The following EIF3B variants were observed in gnomAD, a reference collection of about 807,000 sequenced individuals.
EIF3B encodes eukaryotic translation initiation factor 3 subunit 9.
Under a neutral mutation model 104.6 loss-of-function variants are expected in EIF3B, and 10 were observed. That is an observed-to-expected ratio of 0.10 (90% CI 0.06 to 0.16). The LOEUF (loss-of-function observed/expected upper bound fraction) is 0.16, where lower values mean the gene tolerates loss of function less well. Among genes scored for constraint, EIF3B ranks in the 10% least tolerant of loss-of-function variants. EIF3B has a pLI of 1.00. For missense variants in EIF3B, 1,014 were observed against 1,087.9 expected, an observed-to-expected ratio of 0.93 and a Z score of 0.96; for synonymous variants, 542 against 417.2, an observed-to-expected ratio of 1.30 and a Z score of -3.65.
intron 1 of EIF3B, among the ~76,000 whole-genome samples, chr7:2,355,774 G>A (rs1779389868): frequency 6.6e-6 from 1 of 152,118 alleles, no homozygotes; most frequent in Admixed American, 6.5e-5. Context: ...AAAAACCGAA[G>A]ACCCGGTGGC....
At chr7:2,367,824 A>ATTTTTTTTTTTTT (rs1562484073) in intron 9 of EIF3B, among the ~76,000 whole-genome samples, 13 of 101,750 alleles carry the variant, frequency 1.3e-4, no homozygotes, top group African/African-American at 3.3e-4. Context: ...CTTTTTTTAA[A>ATTTTTTTTTTTTT]ATTTTTTTTT....
chr7:2,357,648 A>G (rs1443346872), intron 1 of EIF3B, among the ~76,000 whole-genome samples: 5 of 151,626 alleles, frequency 3.3e-5, no homozygotes, highest in Non-Finnish European at 7.4e-5. Context: ...TTCTCTTTCT[A>G]TTTGCTATTT....
At chr7:2,359,149 G>A (rs1779609058) in intron 1 of EIF3B, among the ~76,000 whole-genome samples, 1 of 152,310 alleles carries the variant, frequency 6.6e-6, no homozygotes, top group South Asian at 2.1e-4. Context: ...TTTTCAAAAA[G>A]GCTCTTTGTG....
In EIF3B at chr7:2,355,426, G is replaced by A; in HGVS notation, c.499+6G>A. 1.4e-6 allele frequency: 2 copies of A among 1,435,752 alleles called. No homozygotes were observed. Among genetic ancestry groups the A allele is most frequent in the Non-Finnish European group, 1.8e-6 (2 of 1,093,592 alleles). 88.9% of individuals were successfully genotyped at this position (1,435,752 alleles called of 1,614,324 possible). ...GGACGACGTGAGCGAGGAAGGTGAG[G>A]GCGCCCGGGGCGGGGCTGGCGAGCG... On this transcript the variant is annotated splice_donor_region_variant and intron_variant, in intron 1 of 18. Coordinates refer to ENST00000360876, the MANE Select transcript of EIF3B (RefSeq NM_001037283.2).
At chr7:2,368,563 C>T (rs911542103) in intron 9 of EIF3B, among the ~76,000 whole-genome samples, 1 of 152,232 alleles carries the variant, frequency 6.6e-6, no homozygotes, top group African/African-American at 2.4e-5. Context: ...CCTTCCCGTG[C>T]CTAGAAATGA....
intron 15 of EIF3B, among the ~76,000 whole-genome samples, chr7:2,377,543 CAGG>C (rs1562492562): frequency 4.2e-4 from 52 of 125,238 alleles, no homozygotes; most frequent in Non-Finnish European, 7.1e-4. Context: ...GAGGAAGGAG[CAGG>C]CACGAGCGCT....
intron 6 of EIF3B, among the ~76,000 whole-genome samples, chr7:2,365,999 T>TTGTTAG (rs1305438836): frequency 6.6e-6 from 1 of 152,136 alleles, no homozygotes; most frequent in African/African-American, 2.4e-5. Flanking sequence ...TTTTTTTAAC[T>TTGTTAG]TGTTAGTCTT....
intron 6 of EIF3B, among the ~76,000 whole-genome samples, chr7:2,365,069 A>G (rs1346831468): frequency 6.6e-6 from 1 of 152,180 alleles, no homozygotes; most frequent in Admixed American, 6.5e-5. Context: ...CTCCCACCTC[A>G]GCCTTCCTGA....
At chr7:2,378,561 C>T (rs1266808431) in intron 15 of EIF3B, 128 bp from the exon 16 acceptor site, 7 of 740,328 alleles carry the variant, frequency 9.5e-6, no homozygotes, top group East Asian at 2.7e-5. Context: ...AAGGAGCATG[C>T]GAGCGCTCCT....
intron 17 of EIF3B, 56 bp downstream of exon 17, chr7:2,379,298 C>T: frequency 6.4e-7 from 1 of 1,565,960 alleles, no homozygotes; most frequent in African/African-American, 1.4e-5. Context: ...CCCCTGGGCC[C>T]TGGTGCCCGC....
Position 2,355,132 on chromosome 7 carries a change from G to A in EIF3B, c.211G>A (p.Ala71Thr). ...GGAGTCCGAGGTGAGGACCGAGCCG[G>A]CGGCCGAGGCAGAGGCGGCCTCCGG... Reference protein sequence around the residue: ...GPESEVRTEPAAEAEAASGPS... With the variant: ...GPESEVRTEPTAEAEAASGPS... The change falls in exon 1 of 19, where the codon GCG becomes ACG. Residue 71 changes from alanine to threonine, a missense_variant. Transcript: ENST00000360876. The A allele has an allele frequency of 1.4e-6, 2 of 1,405,990 alleles. No homozygotes were observed. The highest frequency in any genetic ancestry group is 1.8e-6 in the Non-Finnish European group (2 of 1,089,476). The allele number at this position is 1,405,990 out of a possible 1,614,324, so 87.1% of individuals were successfully genotyped here. A position where few individuals can be genotyped will look rare whatever the true frequency, so the allele number is the denominator to read the frequency against.
chr7:2,354,970 G>C lies in EIF3B; in HGVS notation c.49G>C (p.Ala17Pro), dbSNP rs940228309. ...VAVPEAAEERAEPGQQQPAAE... is the reference protein window; with the variant it reads ...VAVPEAAEERPEPGQQQPAAE... ...GGTGCCCGAGGCGGCCGAGGAGCGC[G>C]CCGAGCCCGGCCAGCAGCAGCCGGC... Residue 17 changes from alanine (A) to proline (P), a missense_variant, in exon 1 of 19, where the codon GCC (alanine) becomes CCC (proline). Around this residue, in one of 4 missense-constraint regions of EIF3B, gnomAD observed 488 missense variants for 404.3 expected, o/e 1.21. Coordinates refer to ENST00000360876, the MANE Select transcript of EIF3B (RefSeq NM_001037283.2). 2 of 1,184,054 alleles carry C rather than the reference G, an allele frequency of 1.7e-6. No homozygotes were observed. Among genetic ancestry groups the C allele is most frequent in the Non-Finnish European group, 2.1e-6 (2 of 958,008 alleles). 73.3% of individuals were successfully genotyped at this position (1,184,054 alleles called of 1,614,324 possible). A position where few individuals can be genotyped will look rare whatever the true frequency, so the allele number is the denominator to read the frequency against.
At chr7:2,370,886 AC>A (rs1293146633) in intron 10 of EIF3B, among the ~76,000 whole-genome samples, 1 of 151,904 alleles carries the variant, frequency 6.6e-6, no homozygotes, top group Non-Finnish European at 1.5e-5. Context: ...TTTAGTAGAA[AC>A]CCCGTCTCTA....
chr7:2,367,101 CCAA>C, intron 9 of EIF3B, 56 bp downstream of exon 9: 4 of 864,398 alleles, frequency 4.6e-6, no homozygotes, highest in South Asian at 2.6e-5. Flanking sequence ...TAACACAATA[CCAA>C]AAAAAAAAAA....
At chr7:2,360,378 A>C (rs1778143231) in intron 1 of EIF3B, among the ~76,000 whole-genome samples, 1 of 152,236 alleles carries the variant, frequency 6.6e-6, no homozygotes, top group South Asian at 2.1e-4. Flanking sequence ...AAGATCTAAT[A>C]GTGGATATTC....
At chr7:2,364,568 C>T in intron 6 of EIF3B, 39 bp downstream of exon 6, 2 of 1,568,798 alleles carry the variant, frequency 1.3e-6, no homozygotes, top group African/African-American at 2.7e-5. Context: ...CTATGCATTT[C>T]ACCCCATGCC....
At chr7:2,357,167 C>T (rs550052781) in intron 1 of EIF3B, among the ~76,000 whole-genome samples, 1 of 152,320 alleles carries the variant, frequency 6.6e-6, no homozygotes, top group East Asian at 1.9e-4. Flanking sequence ...ATCGAATTCA[C>T]AGATTTCTAA....
intron 14 of EIF3B, 149 bp downstream of exon 14, chr7:2,375,676 G>C: frequency 1.6e-6 from 2 of 1,225,082 alleles, no homozygotes; most frequent in Non-Finnish European, 1.1e-6. Flanking sequence ...GTGGCAGGAG[G>C]AGGAGGATTC....
intron 8 of EIF3B, 57 bp downstream of exon 8, chr7:2,366,648 G>A (rs1780041473): frequency 6.3e-7 from 1 of 1,589,116 alleles, no homozygotes; most frequent in South Asian, 1.1e-5. Context: ...TAACCGGGGT[G>A]TGGTGCCTTT....
Sources: gnomAD v4.1 joint callset for allele counts (sites outside exome capture counted in the v4.1 genomes callset) on GRCh38, gnomAD v4.1.1 for gene constraint, gnomAD v4.1.1 regional missense constraint, MANE v1.5 for transcripts, NCBI Gene and HGNC (gene_info 2026-07-23, HGNC 2026-07-21) for gene names.